Variants in EXOC6B observed in about 807,000 individuals in gnomAD.
EXOC6B encodes exocyst complex component 6B.
Under a neutral mutation model 113.5 loss-of-function variants are expected in EXOC6B, and 54 were observed. The ratio of observed to expected loss-of-function variants is 0.48; its 90% CI spans 0.38 to 0.60. The LOEUF (loss-of-function observed/expected upper bound fraction) is 0.60, where lower values mean the gene tolerates loss of function less well. EXOC6B is among the 20% of genes least tolerant of loss of function. The pLI is 0.00. For synonymous variants in EXOC6B, 357 were observed against 339.0 expected, an observed-to-expected ratio of 1.05 and a Z score of -0.58; for missense variants, 797 against 977.5, an observed-to-expected ratio of 0.82 and a Z score of 2.46.
chr2:72,352,415 A>G (rs1170424275), intron 19 of EXOC6B, among the ~76,000 whole-genome samples: 2 of 152,188 alleles, frequency 1.3e-5, no homozygotes, highest in African/African-American at 4.8e-5. Context: ...GTTGGCAATG[A>G]TATTTCCTTC....
At chr2:72,377,558 G>T (rs1472176409) in intron 19 of EXOC6B, among the ~76,000 whole-genome samples, 1 of 152,132 alleles carries the variant, frequency 6.6e-6, no homozygotes, top group Non-Finnish European at 1.5e-5. Flanking sequence ...TGTCATTTGT[G>T]ACAACATGGA....
chr2:72,258,787 C>T (rs1683517615), intron 20 of EXOC6B, among the ~76,000 whole-genome samples: 1 of 152,114 alleles, frequency 6.6e-6, no homozygotes, highest in African/African-American at 2.4e-5. Flanking sequence ...TTAAACTTGG[C>T]TTTTCTTGTC....
chr2:72,789,974 T>G (rs530611836), intron 1 of EXOC6B, among the ~76,000 whole-genome samples: 84 of 152,296 alleles, frequency 5.5e-4, no homozygotes, highest in African/African-American at 1.9e-3. Context: ...CTGATTTTTT[T>G]GCCTCTATTC....
chr2:72,605,757 A>G (rs1327287632), intron 6 of EXOC6B, among the ~76,000 whole-genome samples: 1 of 152,160 alleles, frequency 6.6e-6, no homozygotes, highest in Non-Finnish European at 1.5e-5. Context: ...TGAAATCCCT[A>G]TAAGCCTATT....
rs535746674 is a variant in EXOC6B, at chr2:72,273,637, G to A, written c.2196+61310C>T. ...TAAGTGCCTAAAGGGAAGAAACTTT[G>A]CTATGTCATGCTTGGGGAACAGCAA... is the stretch of plus-strand genomic sequence containing the variant. On this transcript the variant is annotated intron_variant, in intron 20 of 21. Transcript: ENST00000272427. 2.0e-5 allele frequency among the ~76,000 whole-genome samples: 3 copies of A among 152,216 alleles called. No individual in the cohort carries two copies. In the East Asian group the frequency reaches 5.8e-4, roughly 29 times the overall value.
chr2:72,341,066 T>A (rs2104905726), intron 19 of EXOC6B, among the ~76,000 whole-genome samples: 1 of 152,284 alleles, frequency 6.6e-6, no homozygotes, highest in South Asian at 2.1e-4. Context: ...AGTATACTTG[T>A]CTAAGTATGC....
At chr2:72,697,160 T>C (rs1417014813) in intron 6 of EXOC6B, among the ~76,000 whole-genome samples, 2 of 119,498 alleles carry the variant, frequency 1.7e-5, no homozygotes, top group Admixed American at 8.3e-5. Context: ...ATATGGGGTA[T>C]ACACACACAA....
intron 6 of EXOC6B, among the ~76,000 whole-genome samples, chr2:72,668,964 G>A (rs1675589366): frequency 6.6e-6 from 1 of 152,172 alleles, no homozygotes; most frequent in Non-Finnish European, 1.5e-5. Flanking sequence ...GCATGCACCT[G>A]TGGTCCTAGC....
chr2:72,462,246 C>T (rs1240347475), intron 18 of EXOC6B: 1 of 152,012 alleles, frequency 6.6e-6, no homozygotes, highest in African/African-American at 2.4e-5. Flanking sequence ...ACTTTTGACA[C>T]TATATTTTCT....
rs1398817025 is a variant in EXOC6B at position 72,231,300 on chromosome 2, A to T, written c.2197-47113T>A. Among the ~76,000 whole-genome samples the T allele has an allele frequency of 1.1e-4, 16 of 152,238 alleles. 1 individual carries two copies. Among genetic ancestry groups the T allele is most frequent in the Admixed American group, 1.0e-3 (16 of 15,280 alleles). ...AAACTGGCTGTATGAAACAAAACAA[A>T]TTAAATCTTAGTTTCAGATCCTTCT... On this transcript the variant is annotated intron_variant, in intron 20 of 21. Coordinates refer to ENST00000272427, the MANE Select transcript of EXOC6B (RefSeq NM_015189.3).
At position 72,666,313 on chromosome 2, in the gene EXOC6B, A is replaced by G. The variant is rs569814631; in HGVS notation, c.669+51790T>C. ...AAACCACTAGACCTAACAAACATCT[A>G]CAGAACACACAATAACCACACAATA... On this transcript the variant is annotated intron_variant, in intron 6 of 21. Coordinates refer to ENST00000272427, the MANE Select transcript of EXOC6B (RefSeq NM_015189.3). 2.0e-5 allele frequency among the ~76,000 whole-genome samples: 3 copies of G among 152,342 alleles called. No individual in the cohort carries two copies. The South Asian group carries it at 6.2e-4, about 32-fold the overall frequency.
Position 72,316,227 on chromosome 2 carries a change from G to A in EXOC6B, c.2196+18720C>T, listed in dbSNP as rs573532065. Among the ~76,000 whole-genome samples the A allele has an allele frequency of 4.6e-5, 7 of 152,312 alleles. 1 individual carries two copies. In the South Asian group the frequency reaches 1.2e-3, roughly 27 times the overall value. The stretch of plus-strand genomic sequence containing the variant: ...ACCCAGGTGCTCACCAGAACTGGAA[G>A]AATATGAGCAAGTATTTAGTCTAAA... On this transcript the variant is annotated intron_variant, in intron 20 of 21. Coordinates refer to ENST00000272427, the MANE Select transcript of EXOC6B (RefSeq NM_015189.3).
chr2:72,659,455 A>G (rs1289449966), intron 6 of EXOC6B, among the ~76,000 whole-genome samples: 1 of 152,112 alleles, frequency 6.6e-6, no homozygotes, highest in South Asian at 2.1e-4. Context: ...TCATTATTTT[A>G]TCTTAAGAAA....
intron 20 of EXOC6B, among the ~76,000 whole-genome samples, chr2:72,206,361 C>T (rs949591143): frequency 1.3e-5 from 2 of 152,142 alleles, no homozygotes; most frequent in Non-Finnish European, 2.9e-5. Context: ...AAGTGTCCTC[C>T]TCCTTTTCCC....
chr2:72,762,714 C>T (rs1682815646), intron 1 of EXOC6B, among the ~76,000 whole-genome samples: 1 of 151,632 alleles, frequency 6.6e-6, no homozygotes, highest in African/African-American at 2.4e-5. Flanking sequence ...TTCACAAAAG[C>T]ATAAGGAGCA....
intron 9 of EXOC6B, 89 bp downstream of exon 9, chr2:72,514,948 CACACAG>C (rs1336747940): frequency 7.5e-6 from 8 of 1,065,950 alleles, no homozygotes; most frequent in Non-Finnish European, 1.1e-5. Flanking sequence ...TAAACACACA[CACACAG>C]ACACACACAC....
At chr2:72,493,810 A>G (rs1029898800) in intron 15 of EXOC6B, among the ~76,000 whole-genome samples, 3 of 152,138 alleles carry the variant, frequency 2.0e-5, no homozygotes, top group Non-Finnish European at 4.4e-5. Flanking sequence ...TGTCTAGTGT[A>G]AAAGAGAAAA....
At chr2:72,690,631 A>G (rs1318605608) in intron 6 of EXOC6B, among the ~76,000 whole-genome samples, 1 of 152,224 alleles carries the variant, frequency 6.6e-6, no homozygotes, top group Non-Finnish European at 1.5e-5. Context: ...TTTTATTTAC[A>G]GTACTAGTCT....
intron 11 of EXOC6B, among the ~76,000 whole-genome samples, chr2:72,512,387 G>GAGCCAGCATTCTATAACT (rs1700978243): frequency 1.2e-5 from 1 of 85,756 alleles, no homozygotes; most frequent in African/African-American, 4.4e-5. Flanking sequence ...AAGGAAGGAA[G>GAGCCAGCATTCTATAACT]GAAGGAAGGA....
Sources: allele counts gnomAD v4.1 joint callset (sites outside exome capture counted in the v4.1 genomes callset), GRCh38; gene constraint gnomAD v4.1.1; transcripts MANE v1.5; gene names NCBI Gene and HGNC (gene_info 2026-07-23, HGNC 2026-07-21).